Variants in NAV1 observed in about 807,000 individuals in gnomAD.
NAV1 encodes the protein neuron navigator 1.
NAV1 carries 18 observed loss-of-function variants against 175.2 expected under a neutral mutation model. The ratio of observed to expected loss-of-function variants is 0.10; its 90% CI spans 0.07 to 0.15. The LOEUF is 0.15. NAV1 is among the 10% of genes least tolerant of loss of function. The pLI is 1.00. For synonymous variants in NAV1, 897 were observed against 978.7 expected (o/e 0.92, Z 1.56); for missense variants, 1,731 against 2,436.6 (o/e 0.71, Z 6.10).
At chr1:201,756,029 C>T (rs1345607514) in intron 3 of NAV1, among the ~76,000 whole-genome samples, 4 of 151,084 alleles carry the variant, frequency 2.6e-5, no homozygotes, top group Non-Finnish European at 5.9e-5. Flanking sequence ...ATTGCTTGAA[C>T]CAGGGAGTCA....
intron 2 of NAV1, among the ~76,000 whole-genome samples, chr1:201,597,666 G>T (rs988274881): frequency 3.3e-5 from 5 of 152,222 alleles, no homozygotes; most frequent in African/African-American, 9.6e-5. Context: ...AAGCTGGGAG[G>T]ACCTGAGGCA....
At position 201,825,326 on chromosome 1, in the gene NAV1, G is replaced by T. The variant is rs954833528; in HGVS notation, c.*5394G>T. On this transcript the variant is annotated 3_prime_UTR_variant, in exon 30 of 30. Coordinates refer to ENST00000367296, the Ensembl canonical transcript of NAV1. ...CTGATTATGTAATAGGATGGAAAAAGTAAAAAAAAAAAAAAAAATCTAATT... is the reference window on the plus strand; with the variant it reads ...CTGATTATGTAATAGGATGGAAAAATTAAAAAAAAAAAAAAAAATCTAATT... 3.3e-5 allele frequency: 4 copies of T among 119,978 alleles called. 1 individual carries two copies. Among genetic ancestry groups the T allele is most frequent in the African/African-American group, 9.1e-5 (3 of 33,040 alleles). The allele number at this position is 119,978 out of a possible 1,614,324, so 7.4% of individuals were successfully genotyped here.
intron 29 of NAV1, among the ~76,000 whole-genome samples, chr1:201,818,434 A>G (rs893770437): frequency 4.6e-5 from 7 of 151,950 alleles, no homozygotes; most frequent in Admixed American, 1.3e-4. Flanking sequence ...AGGCTGAGGA[A>G]GGAGAATCAC....
At chr1:201,696,127 A>AGGGAGT (rs1671179713) in intron 1 of NAV1, among the ~76,000 whole-genome samples, 1 of 151,850 alleles carries the variant, frequency 6.6e-6, no homozygotes, top group Non-Finnish European at 1.5e-5. Flanking sequence ...GGGCAGACTC[A>AGGGAGT]GGGAGTGGGA....
chr1:201,671,722 T>G (rs540575688), intron 1 of NAV1, among the ~76,000 whole-genome samples: 12 of 152,304 alleles, frequency 7.9e-5, no homozygotes, highest in African/African-American at 2.9e-4. Context: ...TGGGCATTTC[T>G]CACAGAATCT....
In NAV1 at chr1:201,718,776, G is replaced by C. The variant is rs1368303465; in HGVS notation, c.1226+21G>C. ...ACCGGGTAAGCGCAGGGGCTTCTTG[G>C]ATGGCGGGGGAGGATGGTGGAAAGA... On this transcript the variant is annotated intron_variant, in intron 3 of 29. Transcript: ENST00000367296. The surrounding 1 kb of genome is among the most constrained non-coding windows in gnomAD (Gnocchi z 4.8). 1 of 1,579,420 alleles carries C rather than the reference G, an allele frequency of 6.3e-7. No individual in the cohort carries two copies. Among genetic ancestry groups the C allele is most frequent in the Non-Finnish European group, 8.6e-7 (1 of 1,156,708 alleles).
At chr1:201,588,930 C>T (rs1483024121) in intron 2 of NAV1, among the ~76,000 whole-genome samples, 4 of 152,070 alleles carry the variant, frequency 2.6e-5, no homozygotes, top group African/African-American at 9.7e-5. Context: ...TCACTGCAAC[C>T]TCTGCCTCCT....
chr1:201,575,057 A>G lies in NAV1; in HGVS notation c.-143-13482A>G, dbSNP rs546473457. 3.9e-5 allele frequency among the ~76,000 whole-genome samples: 6 copies of G among 152,374 alleles called. No homozygotes were observed. The South Asian group carries it at 1.0e-3, about 26-fold the overall frequency. ...TTCCAGCAGCTGACACAAAGGGCCCATCTTCAACCTAGATGGTGCTTTCTC... is the reference window on the plus strand; with the variant it reads ...TTCCAGCAGCTGACACAAAGGGCCCGTCTTCAACCTAGATGGTGCTTTCTC... On this transcript the variant is annotated intron_variant, in intron 1 of 33. Coordinates refer to the NAV1 transcript ENST00000685211.
rs181110121 is a variant in NAV1, at chr1:201,819,123, T to G, written c.5539-714T>G. On this transcript the variant is annotated intron_variant, in intron 29 of 29. Coordinates refer to ENST00000367296, the Ensembl canonical transcript of NAV1. ...GAGAAATAGGTTCATAATAATACAG[T>G]GTCTAGCTGCTGGTTTATACTCTAT... is the stretch of plus-strand genomic sequence containing the variant. 1.8e-3 allele frequency among the ~76,000 whole-genome samples: 267 copies of G among 152,336 alleles called. 1 individual carries two copies. The highest frequency in any genetic ancestry group is 6.2e-3 in the African/African-American group (257 of 41,566).
upstream of NAV1, among the ~76,000 whole-genome samples, chr1:201,620,261 C>G (rs535747220): frequency 7.9e-5 from 12 of 152,240 alleles, no homozygotes; most frequent in Non-Finnish European, 1.6e-4. Context: ...AGAGAACCGG[C>G]CATGCTTTGG....
intron 2 of NAV1, among the ~76,000 whole-genome samples, chr1:201,609,921 C>A (rs1667799101): frequency 6.6e-6 from 1 of 152,162 alleles, no homozygotes; most frequent in Non-Finnish European, 1.5e-5. Context: ...GGCACTTCCC[C>A]AATGACCTAG....
At chr1:201,765,603 C>T (rs575828538) in intron 3 of NAV1, among the ~76,000 whole-genome samples, 3 of 151,948 alleles carry the variant, frequency 2.0e-5, no homozygotes, top group Non-Finnish European at 4.4e-5. Flanking sequence ...CCATGTTGCC[C>T]AGGGTGGTCT....
At chr1:201,543,086 C>T (rs766053243) in intron 1 of NAV1, among the ~76,000 whole-genome samples, 5 of 152,152 alleles carry the variant, frequency 3.3e-5, no homozygotes, top group African/African-American at 9.7e-5. Context: ...AATAGTTTTA[C>T]GTCTTTCTTT....
intron 3 of NAV1, among the ~76,000 whole-genome samples, chr1:201,747,006 A>G (rs1037418671): frequency 1.3e-5 from 2 of 152,122 alleles, no homozygotes. Flanking sequence ...AAAAAAAAAA[A>G]AATGAAGAAA....
At chr1:201,696,915 C>G (rs1026602027) in intron 1 of NAV1, among the ~76,000 whole-genome samples, 1 of 152,200 alleles carries the variant, frequency 6.6e-6, no homozygotes, top group Non-Finnish European at 1.5e-5. Context: ...GGCGCACACT[C>G]GGGAAATACT....
intron 1 of NAV1, among the ~76,000 whole-genome samples, chr1:201,546,454 C>G (rs1171402801): frequency 6.6e-6 from 1 of 152,110 alleles, no homozygotes; most frequent in African/African-American, 2.4e-5. Context: ...GGTGCAAGTT[C>G]CCCCACACAC....
At chr1:201,802,530 C>T (rs1677995051) in intron 15 of NAV1, among the ~76,000 whole-genome samples, 1 of 150,582 alleles carries the variant, frequency 6.6e-6, no homozygotes, top group African/African-American at 2.4e-5. Context: ...CCTGTAATCC[C>T]AGCACTTTGG....
Position 201,812,711 on chromosome 1 carries a change from C to T in NAV1, c.5221+50C>T, listed in dbSNP as rs1306531253. 2 of 1,512,088 alleles carry T rather than the reference C, an allele frequency of 1.3e-6. No homozygotes were observed. Among genetic ancestry groups the T allele is most frequent in the South Asian group, 2.3e-5 (2 of 88,270 alleles). The allele number at this position is 1,512,088 out of a possible 1,614,324, so 93.7% of individuals were successfully genotyped here. On this transcript the variant is annotated intron_variant, in intron 27 of 29. Transcript: ENST00000367296. This position sits in a 1 kb window ranked among gnomAD's most constrained non-coding sequence, Gnocchi z 4.6. Reference sequence around the variant, plus strand: ...GGGTCAGGAGGTGGCTTCCCTTTTCCACTGTACCACCTGGAGGGATGCTCC... The same window carrying T: ...GGGTCAGGAGGTGGCTTCCCTTTTCTACTGTACCACCTGGAGGGATGCTCC...
intron 3 of NAV1, among the ~76,000 whole-genome samples, chr1:201,728,603 A>AC (rs1235614183): frequency 6.6e-6 from 1 of 150,984 alleles, no homozygotes; most frequent in Non-Finnish European, 1.5e-5. Context: ...GCAAAACAAA[A>AC]AAAAAAAAAA....
Sources: gnomAD v4.1 joint callset for allele counts (sites outside exome capture counted in the v4.1 genomes callset) on GRCh38, gnomAD v4.1.1 for gene constraint, Gnocchi (gnomAD v3.1) non-coding constraint, MANE v1.5 for transcripts, NCBI Gene and HGNC (gene_info 2026-07-23, HGNC 2026-07-21) for gene names.